The following HMCN2 variants were observed in gnomAD, a reference collection of about 807,000 sequenced individuals.
The protein encoded by HMCN2 is hemicentin-2.
Under a neutral mutation model 377.5 loss-of-function variants are expected in HMCN2, and 325 were observed. The ratio of observed to expected loss-of-function variants is 0.86; its 90% CI spans 0.79 to 0.94. The LOEUF (loss-of-function observed/expected upper bound fraction) is 0.94, where lower values mean the gene tolerates loss of function less well. Ranked by LOEUF, HMCN2 falls within the 40% of genes least tolerant of loss-of-function variation. The probability of loss-of-function intolerance (pLI) is 0.00; values close to 1 mark genes in which losing one functional copy is unlikely to be tolerated. For missense variants in HMCN2, 4,543 were observed against 4,725.3 expected, an observed-to-expected ratio of 0.96 and a Z score of 1.13; for synonymous variants, 2,007 against 2,046.8, an observed-to-expected ratio of 0.98 and a Z score of 0.53.
At position 130,428,357 on chromosome 9, in the gene HMCN2, G is replaced by C; in HGVS notation, c.14066-1G>C. On this transcript the variant is annotated splice_acceptor_variant, in intron 92 of 97. Coordinates refer to ENST00000683500, the MANE Select transcript of HMCN2 (RefSeq NM_001291815.2). LOFTEE classifies it high-confidence loss of function. The surrounding 1 kb of genome is among the most constrained non-coding windows in gnomAD (Gnocchi z 5.0). The stretch of plus-strand genomic sequence containing the variant: ...AGCCGTCTGCCCTGATCTGCCCCCA[G>C]ATGTGGACGAGTGTGCGTGGGATGC... The C allele has an allele frequency of 1.3e-6, 2 of 1,545,610 alleles. No homozygotes were observed. The highest frequency in any genetic ancestry group is 1.7e-6 in the Non-Finnish European group (2 of 1,145,448).
chr9:130,297,407 C>T lies in HMCN2; in HGVS notation c.1012+613C>T, dbSNP rs533798903. On this transcript the variant is annotated intron_variant, in intron 7 of 97. Coordinates refer to ENST00000683500, the MANE Select transcript of HMCN2 (RefSeq NM_001291815.2). ...CCCGCTATGGTTCTGCTGGGAGAAG[C>T]CTGGGCACCGAGGCAGGTTTCTGGT... Among the ~76,000 whole-genome samples, 4 of 152,338 alleles carry T rather than the reference C, an allele frequency of 2.6e-5. No individual in the cohort carries two copies. In the East Asian group the frequency reaches 7.7e-4, roughly 29 times the overall value.
chr9:130,344,926 C>T (rs1391825976), intron 25 of HMCN2, among the ~76,000 whole-genome samples: 1 of 3,888 alleles, frequency 2.6e-4, no homozygotes. Flanking sequence ...TGGTGTTTGG[C>T]ATGTATGTTG....
Position 130,351,652 on chromosome 9 carries a change from G to C in HMCN2, c.4585+75G>C, listed in dbSNP as rs71501129. ...TCCCACCCAGCTGCCCGCTGCCTTA[G>C]AGGGAGAGTGAGGGCTGAAATGGGG... On this transcript the variant is annotated intron_variant, in intron 30 of 97. Transcript: ENST00000683500. This position sits in a 1 kb window ranked among gnomAD's most constrained non-coding sequence, Gnocchi z 5.4. The C allele has an allele frequency of 1.7e-6, 2 of 1,182,260 alleles. No homozygotes were observed. Among genetic ancestry groups the C allele is most frequent in the Admixed American group, 5.5e-5 (2 of 36,600 alleles). The allele number at this position is 1,182,260 out of a possible 1,614,324, so 73.2% of individuals were successfully genotyped here. A position where few individuals can be genotyped will look rare whatever the true frequency, so the allele number is the denominator to read the frequency against.
chr9:130,280,662 G>A (rs1835065137), intron 1 of HMCN2, among the ~76,000 whole-genome samples: 1 of 152,024 alleles, frequency 6.6e-6, no homozygotes, highest in South Asian at 2.1e-4. Context: ...AAAGAATCAG[G>A]TTAGAAATAG....
Position 130,396,198 on chromosome 9 carries a change from G to A in HMCN2, c.11083G>A (p.Ala3695Thr). ...TVPTIRSGPPAVNVSVNQTAL... is the reference protein window; with the variant it reads ...TVPTIRSGPPTVNVSVNQTAL... ...GCCCACCATCCGGTCAGGACCACCT[G>A]CAGTGAACGTCTCAGTGAACCAGAC... The change falls in exon 73 of 98, where the codon GCA becomes ACA. Residue 3695 changes from alanine to threonine, a missense_variant. Transcript: ENST00000683500. 4 of 1,282,702 alleles carry A rather than the reference G, an allele frequency of 3.1e-6. No individual in the cohort carries two copies. The South Asian group carries it at 4.9e-5, about 16-fold the overall frequency. The allele number at this position is 1,282,702 out of a possible 1,614,324, so 79.5% of individuals were successfully genotyped here.
At chr9:130,278,930 A>G (rs749459299) in intron 1 of HMCN2, among the ~76,000 whole-genome samples, 1 of 123,504 alleles carries the variant, frequency 8.1e-6, no homozygotes, top group Non-Finnish European at 1.7e-5. Context: ...ACGGAGTCTC[A>G]CTCTGTTGCT....
chr9:130,281,307 C>CAA, intron 1 of HMCN2, among the ~76,000 whole-genome samples: 1 of 152,050 alleles, frequency 6.6e-6, no homozygotes, highest in Non-Finnish European at 1.5e-5. Flanking sequence ...TGGGCTTCCA[C>CAA]GTTCTCCTCT....
At chr9:130,382,896 G>C (rs978902471) in intron 56 of HMCN2, 30 bp downstream of exon 56, 1 of 982,418 alleles carries the variant, frequency 1.0e-6, no homozygotes, top group Non-Finnish European at 1.2e-6. Flanking sequence ...CGGGCTAGGG[G>C]CAGTGGCTGC....
In HMCN2 at chr9:130,268,878, G is replaced by A. The variant is rs371978572; in HGVS notation, c.259+2741G>A. On this transcript the variant is annotated intron_variant, in intron 1 of 97. Coordinates refer to ENST00000683500, the MANE Select transcript of HMCN2 (RefSeq NM_001291815.2). ...GTGCAGGGCCGATTGATGCCTTGGC[G>A]GACTTGGATTTCCTTTTCCTTCTAT... is the stretch of plus-strand genomic sequence containing the variant. Among the ~76,000 whole-genome samples the A allele has an allele frequency of 2.8e-4, 41 of 148,924 alleles. 1 individual carries two copies. Among genetic ancestry groups the A allele is most frequent in the African/African-American group, 6.5e-4 (27 of 41,298 alleles).
rs200362767 is a variant in HMCN2, at chr9:130,306,895, T to C, written c.2043T>C (p.Asn681=). Residue 681 remains asparagine, a synonymous_variant, in exon 13 of 98, where the codon AAT becomes AAC. Transcript: ENST00000683500. ...DAGNYSCQAT[N]EVGTDQETVT... ...GGAATTACAGCTGCCAGGCGACTAA[T>C]GAGGTTGGCACTGACCAGGAGACGG... The C allele has an allele frequency of 2.7e-3, 1,286 of 471,036 alleles. 12 individuals carry two copies. The highest frequency in any genetic ancestry group is 4.1e-3 in the Non-Finnish European group (940 of 227,026). The allele number at this position is 471,036 out of a possible 1,614,324, so 29.2% of individuals were successfully genotyped here. A position where few individuals can be genotyped will look rare whatever the true frequency, so the allele number is the denominator to read the frequency against.
Position 130,303,442 on chromosome 9 carries a change from G to A in HMCN2, c.1422-45G>A, listed in dbSNP as rs1836635337. On this transcript the variant is annotated intron_variant, in intron 9 of 97. Coordinates refer to ENST00000683500, the MANE Select transcript of HMCN2 (RefSeq NM_001291815.2). The surrounding 1 kb of genome is among the most constrained non-coding windows in gnomAD (Gnocchi z 5.2). ...ACTGAAGTCGGGGGGGACCCTGAGT[G>A]GGGGTCAGTGTGATTGTGTGTCTCC... is the stretch of plus-strand genomic sequence containing the variant. 2.5e-6 allele frequency: 1 copy of A among 397,226 alleles called. No individual in the cohort carries two copies. Among genetic ancestry groups the A allele is most frequent in the South Asian group, 1.8e-5 (1 of 55,142 alleles). The allele number at this position is 397,226 out of a possible 1,614,324, so 24.6% of individuals were successfully genotyped here.
intron 36 of HMCN2, among the ~76,000 whole-genome samples, chr9:130,358,999 T>C (rs1840208590): frequency 6.6e-6 from 1 of 152,088 alleles, no homozygotes; most frequent in Admixed American, 6.5e-5. Context: ...CCCACATTCA[T>C]ATTTACGTTT....
chr9:130,325,508 A>G (rs1838085872), intron 19 of HMCN2, 87 bp from the exon 20 acceptor site: 1 of 152,234 alleles, frequency 6.6e-6, no homozygotes, highest in African/African-American at 2.4e-5. Context: ...TGCATCGCTG[A>G]TGGACATTTG....
chr9:130,271,757 G>C (rs1554921213), intron 1 of HMCN2, among the ~76,000 whole-genome samples: 1 of 148,838 alleles, frequency 6.7e-6, no homozygotes, highest in Non-Finnish European at 1.5e-5. Context: ...TGTGTTTGTT[G>C]GTACTGAGGT....
chr9:130,433,301 G>A lies in HMCN2; in HGVS notation c.14895-47G>A, dbSNP rs1470968040. ...GAGTTACGCGGATGGGCCACGCTCC[G>A]ACCGCACCCCCGAGTCCGCCTGTCC... On this transcript the variant is annotated intron_variant, in intron 97 of 97. Transcript: ENST00000683500. 13 of 1,369,306 alleles carry A rather than the reference G, an allele frequency of 9.5e-6. No individual in the cohort carries two copies. The East Asian group carries it at 3.7e-4, about 39-fold the overall frequency. 84.8% of individuals were successfully genotyped at this position (1,369,306 alleles called of 1,614,324 possible). A position where few individuals can be genotyped will look rare whatever the true frequency, so the allele number is the denominator to read the frequency against.
rs942876691 is a variant in HMCN2 at position 130,303,773 on chromosome 9, C to T, written c.1543+165C>T. Among the ~76,000 whole-genome samples the T allele has an allele frequency of 1.3e-5, 2 of 152,164 alleles. No homozygotes were observed. Among genetic ancestry groups the T allele is most frequent in the African/African-American group, 2.4e-5 (1 of 41,436 alleles). ...CTGCCTGCTGCCCCTCATGTGGGGC[C>T]GTCTCACCCAGGAACGGCCTGTGGG... is the stretch of plus-strand genomic sequence containing the variant. On this transcript the variant is annotated intron_variant, in intron 10 of 97. Coordinates refer to ENST00000683500, the MANE Select transcript of HMCN2 (RefSeq NM_001291815.2). The surrounding 1 kb of genome is among the most constrained non-coding windows in gnomAD (Gnocchi z 5.2).
intron 7 of HMCN2, among the ~76,000 whole-genome samples, chr9:130,297,711 C>T (rs1018433433): frequency 3.9e-5 from 6 of 152,210 alleles, no homozygotes; most frequent in Non-Finnish European, 8.8e-5. Flanking sequence ...GCCGGTTTTC[C>T]TGCCAGGACC....
intron 40 of HMCN2, among the ~76,000 whole-genome samples, 184 bp from the exon 41 acceptor site, chr9:130,364,530 G>T (rs999038733): frequency 1.3e-5 from 2 of 152,232 alleles, no homozygotes; most frequent in Non-Finnish European, 2.9e-5. Flanking sequence ...ATGCTGCAGA[G>T]ATCTGGGATG....
chr9:130,398,755 G>A (rs1431610415), intron 75 of HMCN2, 48 bp downstream of exon 75: 2 of 1,269,608 alleles, frequency 1.6e-6, no homozygotes, highest in East Asian at 1.1e-4. Context: ...ACAGGGCGGG[G>A]AGGCACTCTC....
Sources: gnomAD v4.1 joint callset for allele counts (sites outside exome capture counted in the v4.1 genomes callset) on GRCh38, gnomAD v4.1.1 for gene constraint, Gnocchi (gnomAD v3.1) non-coding constraint, MANE v1.5 for transcripts, NCBI Gene and HGNC (gene_info 2026-07-23, HGNC 2026-07-21) for gene names.